RAD18: variants seen among roughly 807,000 people sequenced by gnomAD.
The protein encoded by RAD18 is RAD18 E3 ubiquitin protein ligase, also known as E3 ubiquitin-protein ligase RAD18.
RAD18 carries 47 observed loss-of-function variants against 60.4 expected under a neutral mutation model. The observed-to-expected ratio is 0.78, with a 90% CI of 0.62 to 0.99. The LOEUF (loss-of-function observed/expected upper bound fraction) is 0.99, where lower values mean the gene tolerates loss of function less well. Among genes scored for constraint, RAD18 ranks in the 50% least tolerant of loss-of-function variants. The probability of loss-of-function intolerance (pLI) is 0.00; values close to 1 mark genes in which losing one functional copy is unlikely to be tolerated. For missense variants in RAD18, 640 were observed against 593.3 expected, an observed-to-expected ratio of 1.08 and a Z score of -0.82; for synonymous variants, 225 against 195.5, an observed-to-expected ratio of 1.15 and a Z score of -1.26.
At chr3:8,900,909 A>G (rs1408740120) in intron 10 of RAD18, among the ~76,000 whole-genome samples, 1 of 152,190 alleles carries the variant, frequency 6.6e-6, no homozygotes, top group African/African-American at 2.4e-5. Context: ...GCCATCAATG[A>G]TATTCAAGAG....
chr3:8,879,351 G>A lies in RAD18; in HGVS notation c.*2006C>T, dbSNP rs977146489. The A allele has an allele frequency of 6.6e-6, 1 of 152,154 alleles. No individual in the cohort carries two copies. The highest frequency in any genetic ancestry group is 1.5e-5 in the Non-Finnish European group (1 of 68,042). 9.4% of individuals were successfully genotyped at this position (152,154 alleles called of 1,614,324 possible). A position where few individuals can be genotyped will look rare whatever the true frequency, so the allele number is the denominator to read the frequency against. On this transcript the variant is annotated 3_prime_UTR_variant, in exon 13 of 13. Coordinates refer to ENST00000264926, the MANE Select transcript of RAD18 (RefSeq NM_020165.4). ...ACGCATGGGCCCTGATCCAATGACT[G>A]CTGTCCCTACAAGAAATCGGGACAC... is the stretch of plus-strand genomic sequence containing the variant.
rs1939443625 is a variant in RAD18, at chr3:8,880,768, C to A, written c.*589G>T. 1 of 152,148 alleles carries A rather than the reference C, an allele frequency of 6.6e-6. No individual in the cohort carries two copies. The highest frequency in any genetic ancestry group is 1.5e-5 in the Non-Finnish European group (1 of 68,062). 9.4% of individuals were successfully genotyped at this position (152,148 alleles called of 1,614,324 possible). A position where few individuals can be genotyped will look rare whatever the true frequency, so the allele number is the denominator to read the frequency against. On this transcript the variant is annotated 3_prime_UTR_variant, in exon 13 of 13. Transcript: ENST00000264926. ...TAGCTTTAAATTATAATACTAATAT[C>A]CTACTCTGAGAAATGTGTAAGACAC...
intron 11 of RAD18, among the ~76,000 whole-genome samples, chr3:8,891,799 G>C (rs888883727): frequency 1.3e-5 from 2 of 152,204 alleles, no homozygotes; most frequent in African/African-American, 4.8e-5. Flanking sequence ...TATATCTGCT[G>C]TTCCAATTCT....
intron 11 of RAD18, 115 bp downstream of exon 11, chr3:8,898,779 A>G: frequency 1.1e-6 from 1 of 909,260 alleles, no homozygotes; most frequent in Non-Finnish European, 1.6e-6. Context: ...ACTGAAATGT[A>G]AGAGTGACAC....
chr3:8,941,981 A>G (rs1940755641), intron 4 of RAD18, among the ~76,000 whole-genome samples, 177 bp from the exon 5 acceptor site: 1 of 152,234 alleles, frequency 6.6e-6, no homozygotes, highest in Non-Finnish European at 1.5e-5. Context: ...CTAACGTAAA[A>G]GGCAGTTAAT....
intron 1 of RAD18, among the ~76,000 whole-genome samples, chr3:8,959,567 G>C (rs558583665): frequency 6.6e-6 from 1 of 152,302 alleles, no homozygotes; most frequent in East Asian, 1.9e-4. Context: ...TTTCGGCATG[G>C]TACTACACAT....
At chr3:8,901,523 T>C (rs1352311819) in intron 10 of RAD18, among the ~76,000 whole-genome samples, 2 of 152,206 alleles carry the variant, frequency 1.3e-5, no homozygotes, top group Admixed American at 6.5e-5. Flanking sequence ...GAAAACATTA[T>C]GCTTAGAGAA....
At chr3:8,889,131 T>G (rs2125046437) in intron 12 of RAD18, among the ~76,000 whole-genome samples, 1 of 152,280 alleles carries the variant, frequency 6.6e-6, no homozygotes, top group East Asian at 1.9e-4. Flanking sequence ...ACCATACTTT[T>G]CCACTCTCCC....
At chr3:8,898,849 T>C in intron 11 of RAD18, 45 bp downstream of exon 11, 2 of 1,428,582 alleles carry the variant, frequency 1.4e-6, no homozygotes, top group East Asian at 2.3e-5. Flanking sequence ...TACATGTGCA[T>C]ATGAAGTAGA....
At position 8,881,259 on chromosome 3, in the gene RAD18, C is replaced by A; in HGVS notation, c.*98G>T. 3 of 946,228 alleles carry A rather than the reference C, an allele frequency of 3.2e-6. No individual in the cohort carries two copies. The highest frequency in any genetic ancestry group is 1.6e-5 in the South Asian group (1 of 63,250). The allele number at this position is 946,228 out of a possible 1,614,324, so 58.6% of individuals were successfully genotyped here. A position where few individuals can be genotyped will look rare whatever the true frequency, so the allele number is the denominator to read the frequency against. Reference sequence around the variant, plus strand: ...GCTAACCGTAATATTTAGAATTTAGCATCTTTCCTTGGGCATTTATAAATA... The same window carrying A: ...GCTAACCGTAATATTTAGAATTTAGAATCTTTCCTTGGGCATTTATAAATA... On this transcript the variant is annotated 3_prime_UTR_variant, in exon 13 of 13. Transcript: ENST00000264926.
At chr3:8,893,089 T>A (rs1270156910) in intron 11 of RAD18, among the ~76,000 whole-genome samples, 1 of 152,222 alleles carries the variant, frequency 6.6e-6, no homozygotes, top group East Asian at 1.9e-4. Context: ...ATTATCTGAA[T>A]AATTGCCTCA....
intron 2 of RAD18, among the ~76,000 whole-genome samples, chr3:8,949,338 T>C (rs1296689239): frequency 6.6e-6 from 1 of 152,228 alleles, no homozygotes; most frequent in Admixed American, 6.5e-5. Flanking sequence ...GTACACTGTA[T>C]AAATTCAGGA....
At position 8,898,928 on chromosome 3, in the gene RAD18, C is replaced by A. The variant is rs1939851775; in HGVS notation, c.1288G>T (p.Val430Phe). ...GAATCTGATTCTGATGAAGAAAGAA[C>A]TTCTTGAATATCAATACAGCTAGAA... ...DSSSCIDIQEVLSSSESDSCN... is the reference protein window; with the variant it reads ...DSSSCIDIQEFLSSSESDSCN... Residue 430 changes from valine to phenylalanine, a missense_variant, in exon 11 of 13, where the codon GTT becomes TTT. Val to Phe is a conservative substitution (Grantham distance 50). Transcript: ENST00000264926. 1 of 1,601,160 alleles carries A rather than the reference C, an allele frequency of 6.2e-7. No homozygotes were observed. Among genetic ancestry groups the A allele is most frequent in the Non-Finnish European group, 8.5e-7 (1 of 1,173,174 alleles).
In RAD18 at chr3:8,959,019, A is replaced by T. The variant is rs1002645534; in HGVS notation, c.52-18T>A. 1 of 1,598,374 alleles carries T rather than the reference A, an allele frequency of 6.3e-7. No homozygotes were observed. Among genetic ancestry groups the T allele is most frequent in the Non-Finnish European group, 8.6e-7 (1 of 1,166,152 alleles). ...TCTATTGTCTGAAATGCAAATATGC[A>T]TATATACATATCAGAAAGACATCAA... On this transcript the variant is annotated intron_variant, in intron 1 of 12. Transcript: ENST00000264926.
Position 8,936,069 on chromosome 3 carries a change from A to T in RAD18, c.705-14T>A, listed in dbSNP as rs780159232. 1 of 1,482,998 alleles carries T rather than the reference A, an allele frequency of 6.7e-7. No homozygotes were observed. Among genetic ancestry groups the T allele is most frequent in the Non-Finnish European group, 9.0e-7 (1 of 1,109,602 alleles). The allele number at this position is 1,482,998 out of a possible 1,614,324, so 91.9% of individuals were successfully genotyped here. On this transcript the variant is annotated splice_polypyrimidine_tract_variant and intron_variant, in intron 6 of 12. Coordinates refer to ENST00000264926, the MANE Select transcript of RAD18 (RefSeq NM_020165.4). ...TTGTGAACAGAACTGAAAAGGGGGGAAGATACCTGATGATTATTGTGAATT... is the reference window on the plus strand; with the variant it reads ...TTGTGAACAGAACTGAAAAGGGGGGTAGATACCTGATGATTATTGTGAATT...
intron 7 of RAD18, among the ~76,000 whole-genome samples, chr3:8,935,519 A>T (rs962572852): frequency 6.6e-5 from 10 of 152,194 alleles, no homozygotes; most frequent in South Asian, 4.1e-4. Flanking sequence ...AAACTGAGGT[A>T]CAGAGATATC....
At chr3:8,930,833 T>G (rs1940540583) in intron 7 of RAD18, among the ~76,000 whole-genome samples, 2 of 152,178 alleles carry the variant, frequency 1.3e-5, no homozygotes, top group South Asian at 4.1e-4. Flanking sequence ...GCAATAGTAC[T>G]GTCACTCAAA....
chr3:8,896,864 A>C (rs1429301114), intron 11 of RAD18, among the ~76,000 whole-genome samples: 2 of 152,214 alleles, frequency 1.3e-5, no homozygotes, highest in Non-Finnish European at 2.9e-5. Flanking sequence ...TGTATTAAAG[A>C]TAGAAGAAAA....
At position 8,877,542 on chromosome 3, in the gene RAD18, C is replaced by T. The variant is rs909164338; in HGVS notation, c.*3815G>A. 4 of 152,126 alleles carry T rather than the reference C, an allele frequency of 2.6e-5. No homozygotes were observed. The highest frequency in any genetic ancestry group is 9.7e-5 in the African/African-American group (4 of 41,418). 9.4% of individuals were successfully genotyped at this position (152,126 alleles called of 1,614,324 possible). A position where few individuals can be genotyped will look rare whatever the true frequency, so the allele number is the denominator to read the frequency against. On this transcript the variant is annotated 3_prime_UTR_variant, in exon 13 of 13. Coordinates refer to ENST00000264926, the MANE Select transcript of RAD18 (RefSeq NM_020165.4). ...AAGAACATGGTGATTAATGCTGTCC[C>T]CCTGGACTGATTTTCAAGCTTTCTA...
Sources: gnomAD v4.1 joint callset for allele counts (sites outside exome capture counted in the v4.1 genomes callset) on GRCh38, gnomAD v4.1.1 for gene constraint, MANE v1.5 for transcripts, NCBI Gene and HGNC (gene_info 2026-07-23, HGNC 2026-07-21) for gene names.